Variants in DDX20 observed in about 807,000 individuals in gnomAD.
DDX20 encodes the protein DEAD-box helicase 20.
In DDX20, 61 loss-of-function variants were observed where a neutral mutation model predicts 76.4. The observed-to-expected ratio is 0.80, with a 90% CI of 0.65 to 0.99. The LOEUF (loss-of-function observed/expected upper bound fraction) is 0.99, where lower values mean the gene tolerates loss of function less well. Ranked by LOEUF, DDX20 falls within the 50% of genes least tolerant of loss-of-function variation. DDX20 has a pLI of 0.00. For synonymous variants in DDX20, 357 were observed against 357.4 expected, an observed-to-expected ratio of 1.00 and a Z score of 0.01; for missense variants, 976 against 996.8, an observed-to-expected ratio of 0.98 and a Z score of 0.28.
At position 111,765,855 on chromosome 1, in the gene DDX20, G is replaced by T; in HGVS notation, c.1431G>T (p.Gln477His). Reference sequence around the variant, plus strand: ...ACCAACCCTTAAAAAAGCAAATTCAGAAAATAGAGAGAACCCTTCAAATTC... The same window carrying T: ...ACCAACCCTTAAAAAAGCAAATTCATAAAATAGAGAGAACCCTTCAAATTC... ...VPNQPLKKQIQKIERTLQIQK... is the reference protein window; with the variant it reads ...VPNQPLKKQIHKIERTLQIQK... The change falls in exon 11 of 11, where the codon CAG becomes CAT. Residue 477 changes from glutamine to histidine, a missense_variant. Physicochemically the swap from Gln to His is conservative, Grantham distance 24 (BLOSUM62 0). Transcript: ENST00000369702. 1.9e-6 allele frequency: 3 copies of T among 1,614,126 alleles called. No homozygotes were observed. The highest frequency in any genetic ancestry group is 2.5e-6 in the Non-Finnish European group (3 of 1,180,002).
At chr1:111,758,133 C>G (rs1363369448) in intron 2 of DDX20, among the ~76,000 whole-genome samples, 1 of 152,214 alleles carries the variant, frequency 6.6e-6, no homozygotes, top group East Asian at 1.9e-4. Flanking sequence ...GCTGGGATCA[C>G]AAGTGTGAGC....
At chr1:111,756,266 G>GGGCC in intron 1 of DDX20, 41 bp downstream of exon 1, 1 of 842,536 alleles carries the variant, frequency 1.2e-6, no homozygotes, top group Non-Finnish European at 1.7e-6. Flanking sequence ...GGTGGGGTGG[G>GGGCC]AGAAGGGGGA....
intron 2 of DDX20, among the ~76,000 whole-genome samples, chr1:111,759,043 AC>A (rs1663619379): frequency 6.6e-6 from 1 of 152,240 alleles, no homozygotes; most frequent in African/African-American, 2.4e-5. Context: ...AAATAATACA[AC>A]AATCAAAAGA....
At position 111,766,733 on chromosome 1, in the gene DDX20, A is replaced by G. The variant is rs1487542144; in HGVS notation, c.2309A>G (p.Tyr770Cys). ...ATACGTCTGAGTTTTTCTGATACCTATCAGGATTATGAGGAGTACTGGAGA... is the reference window on the plus strand; with the variant it reads ...ATACGTCTGAGTTTTTCTGATACCTGTCAGGATTATGAGGAGTACTGGAGA... ...REIRLSFSDT[Y>C]QDYEEYWRAY... Residue 770 changes from tyrosine to cysteine, a missense_variant, in exon 11 of 11, where the codon TAT becomes TGT. Tyr to Cys is a radical substitution (Grantham distance 194, BLOSUM62 -2). Coordinates refer to ENST00000369702, the MANE Select transcript of DDX20 (RefSeq NM_007204.5). 19 of 1,614,034 alleles carry G rather than the reference A, an allele frequency of 1.2e-5. No homozygotes were observed. The highest frequency in any genetic ancestry group is 3.3e-4 in the Middle Eastern group (2 of 6,084).
chr1:111,763,588 A>G (rs953953995), intron 10 of DDX20, among the ~76,000 whole-genome samples: 2 of 151,252 alleles, frequency 1.3e-5, no homozygotes, highest in African/African-American at 4.9e-5. Flanking sequence ...AAAAAAAAAG[A>G]AAGAAAAATG....
rs140714901 is a variant in DDX20, at chr1:111,759,618, C to A, written c.565+50C>A. 22 of 1,480,182 alleles carry A rather than the reference C, an allele frequency of 1.5e-5. No homozygotes were observed. The Admixed American group carries it at 4.4e-4, about 30-fold the overall frequency. The allele number at this position is 1,480,182 out of a possible 1,614,324, so 91.7% of individuals were successfully genotyped here. A position where few individuals can be genotyped will look rare whatever the true frequency, so the allele number is the denominator to read the frequency against. On this transcript the variant is annotated intron_variant, in intron 3 of 10. Coordinates refer to ENST00000369702, the MANE Select transcript of DDX20 (RefSeq NM_007204.5). Reference sequence around the variant, plus strand: ...ACCAGGGCTTTTAAGGAACTACACACTTTTAATATAACAATAAAGATATAT... The same window carrying A: ...ACCAGGGCTTTTAAGGAACTACACAATTTTAATATAACAATAAAGATATAT...
At chr1:111,762,580 A>G in intron 8 of DDX20, 97 bp from the exon 9 acceptor site, 1 of 1,115,292 alleles carries the variant, frequency 9.0e-7, no homozygotes, top group Non-Finnish European at 1.3e-6. Flanking sequence ...TCAGTTCTTA[A>G]TTTGTCTCTT....
In DDX20 at chr1:111,766,885, C is replaced by A. The variant is rs757283389; in HGVS notation, c.2461C>A (p.His821Asn). 14 of 1,608,036 alleles carry A rather than the reference C, an allele frequency of 8.7e-6. No homozygotes were observed. The East Asian group carries it at 2.9e-4, about 33-fold the overall frequency. Reference protein sequence around the residue: ...MNTIYLQEMMHSNQ With the variant: ...MNTIYLQEMMNSNQ ...TACCATTTATCTACAAGAAATGATG[C>A]ATAGTAACCAGTGATTATAGGATAT... Residue 821 changes from histidine (H) to asparagine (N), a missense_variant, in exon 11 of 11, where the codon CAT becomes AAT. Physicochemically the swap from His to Asn is moderately conservative, Grantham distance 68. Coordinates refer to ENST00000369702, the MANE Select transcript of DDX20 (RefSeq NM_007204.5).
Position 111,762,758 on chromosome 1 carries a change from C to T in DDX20, c.1186C>T (p.Arg396Trp), listed in dbSNP as rs200507788. 6.8e-6 allele frequency: 11 copies of T among 1,610,066 alleles called. No individual in the cohort carries two copies. The highest frequency in any genetic ancestry group is 1.1e-5 in the South Asian group (1 of 90,884). The part of the protein sequence containing the change: ...VPLDWETYMH[R>W]IGRAGRFGTL... ...ATTGGATTGGGAGACATACATGCAT[C>T]GGATTGGGAGAGCTGGCCGTTTTGG... is the stretch of plus-strand genomic sequence containing the variant. The change falls in exon 9 of 11, where the codon CGG becomes TGG. Residue 396 changes from arginine to tryptophan, a missense_variant. Coordinates refer to ENST00000369702, the MANE Select transcript of DDX20 (RefSeq NM_007204.5).
intron 10 of DDX20, among the ~76,000 whole-genome samples, chr1:111,763,572 C>CAA (rs372268470): frequency 0.018 from 1,794 of 98,790 alleles, 46 homozygotes; most frequent in African/African-American, 0.064. Context: ...AACTCCGTCT[C>CAA]AAAAAAAAAA....
chr1:111,762,561 C>T (rs915695352), intron 8 of DDX20, 116 bp from the exon 9 acceptor site: 4 of 957,930 alleles, frequency 4.2e-6, no homozygotes, highest in South Asian at 1.6e-5. Flanking sequence ...TTCCTCTGCT[C>T]CTCAGTATTC....
At chr1:111,763,678 C>T (rs1663720339) in intron 10 of DDX20, among the ~76,000 whole-genome samples, 1 of 151,972 alleles carries the variant, frequency 6.6e-6, no homozygotes, top group African/African-American at 2.4e-5. Flanking sequence ...GGATATTTTA[C>T]CTCTTAAATT....
At chr1:111,765,376 T>C (rs1663758540) in intron 10 of DDX20, among the ~76,000 whole-genome samples, 1 of 152,178 alleles carries the variant, frequency 6.6e-6, no homozygotes, top group Non-Finnish European at 1.5e-5. Context: ...TTTTCTAATA[T>C]CTTGTTTTGC....
At chr1:111,759,358 T>G in intron 2 of DDX20, 42 bp from the exon 3 acceptor site, 1 of 1,484,414 alleles carries the variant, frequency 6.7e-7, no homozygotes, top group Non-Finnish European at 9.2e-7. Context: ...CCTATGTATT[T>G]ATTCCTCTGA....
intron 5 of DDX20, 29 bp downstream of exon 5, chr1:111,760,877 A>G (rs776238706): frequency 5.6e-6 from 9 of 1,596,160 alleles, no homozygotes; most frequent in Non-Finnish European, 7.7e-6. Flanking sequence ...TACTTATATT[A>G]TTGGTTTATT....
chr1:111,766,269 C>T lies in DDX20; in HGVS notation c.1845C>T (p.His615=), dbSNP rs1571613174. 1.9e-6 allele frequency: 3 copies of T among 1,614,160 alleles called. No individual in the cohort carries two copies. The highest frequency in any genetic ancestry group is 3.3e-5 in the Admixed American group (2 of 60,026). ...AGAAACCTGTGGAAATCATCAGGCACTACACAGGCCCTGGGGATCAGACTG... is the reference window on the plus strand; with the variant it reads ...AGAAACCTGTGGAAATCATCAGGCATTACACAGGCCCTGGGGATCAGACTG... ...GLEKPVEIIR[H]YTGPGDQTVN... The change falls in exon 11 of 11, where the codon CAC becomes CAT. Residue 615 remains histidine (H), a synonymous_variant. Coordinates refer to ENST00000369702, the MANE Select transcript of DDX20 (RefSeq NM_007204.5).
In DDX20 at chr1:111,766,278, C is replaced by G. The variant is rs572288975; in HGVS notation, c.1854C>G (p.Gly618=). The change falls in exon 11 of 11, where the codon GGC becomes GGG. Residue 618 remains glycine (G), a synonymous_variant. Transcript: ENST00000369702. ...TGGAAATCATCAGGCACTACACAGG[C>G]CCTGGGGATCAGACTGTGAATCCTC... ...KPVEIIRHYT[G]PGDQTVNPQN... is the part of the protein sequence containing the mutation. The G allele has an allele frequency of 6.2e-7, 1 of 1,613,994 alleles. No individual in the cohort carries two copies.
At position 111,762,692 on chromosome 1, in the gene DDX20, G is replaced by A. The variant is rs1305349139; in HGVS notation, c.1120G>A (p.Asp374Asn). The A allele has an allele frequency of 6.2e-7, 1 of 1,613,502 alleles. No individual in the cohort carries two copies. Among genetic ancestry groups the A allele is most frequent in the East Asian group, 2.2e-5 (1 of 44,866 alleles). ...ISTDLTSRGI[D>N]AEKVNLVVNL... is the part of the protein sequence containing the mutation. ...TCAATTCAAGACTTCTCGTGGGATT[G>A]ATGCTGAGAAGGTGAATCTGGTTGT... Residue 374 changes from aspartate (D) to asparagine (N), a missense_variant, in exon 9 of 11, where the codon GAT becomes AAT. This residue lies in a region of DDX20 where 630 missense variants were observed against 693.7 expected (regional missense o/e 0.91). Transcript: ENST00000369702.
rs1441964924 is a variant in DDX20 at position 111,759,660 on chromosome 1, T to C, written c.565+92T>C. The C allele has an allele frequency of 3.1e-6, 4 of 1,291,308 alleles. No individual in the cohort carries two copies. The African/African-American group carries it at 6.0e-5, about 19-fold the overall frequency. 80.0% of individuals were successfully genotyped at this position (1,291,308 alleles called of 1,614,324 possible). A position where few individuals can be genotyped will look rare whatever the true frequency, so the allele number is the denominator to read the frequency against. ...AAGATATATGGGAGTCTTTGATAACTGTGATAATTATTTTGATTAGAAATG... is the reference window on the plus strand; with the variant it reads ...AAGATATATGGGAGTCTTTGATAACCGTGATAATTATTTTGATTAGAAATG... On this transcript the variant is annotated intron_variant, in intron 3 of 10. Transcript: ENST00000369702.
Sources: allele counts gnomAD v4.1 joint callset (sites outside exome capture counted in the v4.1 genomes callset), GRCh38; gene constraint gnomAD v4.1.1; regional missense constraint gnomAD v4.1.1; transcripts MANE v1.5; gene names NCBI Gene and HGNC (gene_info 2026-07-23, HGNC 2026-07-21).